The following TUB variants were observed in gnomAD, a reference collection of about 807,000 sequenced individuals.
The protein encoded by TUB is TUB bipartite transcription factor, also known as tubby protein homolog.
Under a neutral mutation model 59.7 loss-of-function variants are expected in TUB, and 33 were observed. The ratio of observed to expected loss-of-function variants is 0.55; its 90% CI spans 0.42 to 0.74. TUB has a LOEUF of 0.74. TUB is among the 30% of genes least tolerant of loss of function. The pLI, the probability that TUB is intolerant of heterozygous loss-of-function variation, is 0.00. For synonymous variants in TUB, 293 were observed against 256.4 expected (o/e 1.14, Z -1.36); for missense variants, 659 against 672.0 (o/e 0.98, Z 0.21).
chr11:8,077,606 C>G (rs1266270816), upstream of TUB: 1 of 152,192 alleles, frequency 6.6e-6, no homozygotes, highest in Non-Finnish European at 1.5e-5. Flanking sequence ...ATATCCTATT[C>G]ATCTTTCAGG....
chr11:8,020,619 A>G lies in TUB; in HGVS notation c.56+1261A>G, dbSNP rs114602309. On this transcript the variant is annotated intron_variant, in intron 1 of 11. Coordinates refer to the TUB transcript ENST00000534099. Reference sequence around the variant, plus strand: ...GATCCACGTCTGTTTTTTTCCTTTCATTGCCTTCTTTGGGGAAATATATCG... The same window carrying G: ...GATCCACGTCTGTTTTTTTCCTTTCGTTGCCTTCTTTGGGGAAATATATCG... Among the ~76,000 whole-genome samples, 211 of 151,770 alleles carry G rather than the reference A, an allele frequency of 1.4e-3. 1 individual carries two copies. Among genetic ancestry groups the G allele is most frequent in the African/African-American group, 4.3e-3 (178 of 41,364 alleles).
chr11:8,019,415 G>A, intron 1 of TUB: 3 of 1,226,672 alleles, frequency 2.4e-6, no homozygotes, highest in Non-Finnish European at 3.0e-6. Context: ...GATCTCCTGC[G>A]GGAGAAGCGG....
chr11:8,103,604 A>G lies in TUB; in HGVS notation c.*1985A>G, dbSNP rs1944397194. ...ACCCCCTCCAACGATTAGCTTTTGC[A>G]ACATGGTCCAGTTTCTAGAGGGCAC... is the stretch of plus-strand genomic sequence containing the variant. On this transcript the variant is annotated 3_prime_UTR_variant, in exon 12 of 12. Transcript: ENST00000299506. 6.6e-6 allele frequency: 1 copy of G among 152,636 alleles called. No individual in the cohort carries two copies. The highest frequency in any genetic ancestry group is 2.4e-5 in the African/African-American group (1 of 41,454). 9.5% of individuals were successfully genotyped at this position (152,636 alleles called of 1,614,324 possible). A position where few individuals can be genotyped will look rare whatever the true frequency, so the allele number is the denominator to read the frequency against.
At position 8,101,490 on chromosome 11, in the gene TUB, C is replaced by T. The variant is rs759242756; in HGVS notation, c.1392C>T (p.Asp464=). The change falls in exon 12 of 12, where the codon GAC becomes GAT. Residue 464 remains aspartate (D), a synonymous_variant. Coordinates refer to ENST00000299506, the MANE Select transcript of TUB (RefSeq NM_177972.3). ...NFQIIHGNDP[D]YIVMQFGRVA... ...TGTGCCTGTGCTTGGCCCCAGCGGA[C>T]TACATCGTGATGCAGTTTGGCCGGG... The T allele has an allele frequency of 6.2e-7, 1 of 1,614,074 alleles. No homozygotes were observed. The highest frequency in any genetic ancestry group is 8.5e-7 in the Non-Finnish European group (1 of 1,180,046).
At chr11:8,019,535 C>T (rs1394685960) in intron 1 of TUB, among the ~76,000 whole-genome samples, 1 of 152,104 alleles carries the variant, frequency 6.6e-6, no homozygotes, top group Non-Finnish European at 1.5e-5. Context: ...CAGCGGAGCT[C>T]CAGCGAGGGT....
chr11:8,040,233 T>C (rs1942724765), intron 2 of TUB, among the ~76,000 whole-genome samples: 1 of 152,206 alleles, frequency 6.6e-6, no homozygotes, highest in East Asian at 1.9e-4. Context: ...TCATTTGTTG[T>C]TTACACATGT....
intron 1 of TUB, among the ~76,000 whole-genome samples, chr11:8,083,029 T>C (rs948714518): frequency 2.0e-5 from 3 of 152,220 alleles, no homozygotes; most frequent in African/African-American, 7.2e-5. Flanking sequence ...CTGTGCTGAC[T>C]GAGAAGAGCT....
Position 8,098,831 on chromosome 11 carries a change from T to C in TUB, c.1072T>C (p.Leu358=), listed in dbSNP as rs1944123168. 1.9e-6 allele frequency: 3 copies of C among 1,614,102 alleles called. No homozygotes were observed. Among genetic ancestry groups the C allele is most frequent in the Non-Finnish European group, 8.5e-7 (1 of 1,180,012 alleles). Residue 358 remains leucine (L), a synonymous_variant, in exon 9 of 12, where the codon TTG becomes CTG. Coordinates refer to ENST00000299506, the MANE Select transcript of TUB (RefSeq NM_177972.3). ...CCCTCAGAAGGCCTCATCCTCCACTTTGGAAAGTGGAACCTTACGTCAGGA... is the reference window on the plus strand; with the variant it reads ...CCCTCAGAAGGCCTCATCCTCCACTCTGGAAAGTGGAACCTTACGTCAGGA... ...VNPQKASSST[L]ESGTLRQELA...
chr11:8,046,024 G>T (rs554386983), intron 2 of TUB, among the ~76,000 whole-genome samples: 1 of 152,250 alleles, frequency 6.6e-6, no homozygotes, highest in Non-Finnish European at 1.5e-5. Context: ...TCAGTACTCA[G>T]CCAGAGATAA....
At chr11:8,028,172 T>G (rs1189716607) in intron 1 of TUB, among the ~76,000 whole-genome samples, 1 of 152,178 alleles carries the variant, frequency 6.6e-6, no homozygotes, top group African/African-American at 2.4e-5. Context: ...AGTGGTATCT[T>G]ATCATGGTTT....
At chr11:8,099,189 A>G (rs1290436567) in intron 9 of TUB, among the ~76,000 whole-genome samples, 1 of 152,098 alleles carries the variant, frequency 6.6e-6, no homozygotes, top group African/African-American at 2.4e-5. Context: ...CATTTCCCAG[A>G]TCATCCCTCT....
At chr11:8,101,212 G>A (rs1043712006) in intron 11 of TUB, among the ~76,000 whole-genome samples, 19 of 152,278 alleles carry the variant, frequency 1.2e-4, no homozygotes, top group Admixed American at 3.3e-4. Context: ...TGTATTCAAC[G>A]GAGTCTCAGG....
intron 2 of TUB, among the ~76,000 whole-genome samples, chr11:8,056,803 G>A (rs1943028075): frequency 6.6e-6 from 1 of 151,990 alleles, no homozygotes; most frequent in Non-Finnish European, 1.5e-5. Flanking sequence ...GGGAGGGTGA[G>A]GGGTGTGCAG....
chr11:8,089,861 G>A (rs564642388), intron 2 of TUB, among the ~76,000 whole-genome samples, 200 bp downstream of exon 2: 4 of 152,380 alleles, frequency 2.6e-5, no homozygotes, highest in African/African-American at 9.6e-5. Context: ...TCAGGCAGCT[G>A]GGTGACTGCA....
At chr11:8,072,398 G>A (rs1356578223) in intron 2 of TUB, among the ~76,000 whole-genome samples, 2 of 152,166 alleles carry the variant, frequency 1.3e-5, no homozygotes, top group South Asian at 2.1e-4. Flanking sequence ...GGTGGGCGGC[G>A]GAGGCCCCAT....
At chr11:8,076,894 G>A (rs1191204540), upstream of TUB, 1 of 152,170 alleles carries the variant, frequency 6.6e-6, no homozygotes, top group Non-Finnish European at 1.5e-5. Context: ...ACTAGTGGTT[G>A]ACCTACATTT....
intron 1 of TUB, chr11:8,039,079 G>A (rs573902059): frequency 1.3e-6 from 2 of 1,593,580 alleles, no homozygotes; most frequent in Non-Finnish European, 1.7e-6. Flanking sequence ...CATTGCGTCA[G>A]CTCCACCCAC....
chr11:8,072,167 G>C (rs777825193), intron 2 of TUB, among the ~76,000 whole-genome samples: 1 of 152,200 alleles, frequency 6.6e-6, no homozygotes, highest in Non-Finnish European at 1.5e-5. Flanking sequence ...CGCAGAGGGG[G>C]AAGGAGGCAG....
intron 8 of TUB, among the ~76,000 whole-genome samples, chr11:8,098,090 G>T (rs1277340160): frequency 6.6e-6 from 1 of 152,082 alleles, no homozygotes; most frequent in Non-Finnish European, 1.5e-5. Context: ...TCCAACCCCA[G>T]GGTGTCACTG....
Sources: allele counts gnomAD v4.1 joint callset (sites outside exome capture counted in the v4.1 genomes callset), GRCh38; gene constraint gnomAD v4.1.1; transcripts MANE v1.5; gene names NCBI Gene and HGNC (gene_info 2026-07-23, HGNC 2026-07-21).